NTNG1: variants seen among roughly 807,000 people sequenced by gnomAD.
NTNG1 encodes netrin-G1.
In NTNG1, 16 loss-of-function variants were observed where a neutral mutation model predicts 54.0. The observed-to-expected ratio is 0.30, with a 90% CI of 0.20 to 0.45. The LOEUF (loss-of-function observed/expected upper bound fraction) is 0.45, where lower values mean the gene tolerates loss of function less well. NTNG1 is among the 20% of genes least tolerant of loss of function. The probability of loss-of-function intolerance (pLI) is 1.00; values close to 1 mark genes in which losing one functional copy is unlikely to be tolerated. For synonymous variants in NTNG1, 255 were observed against 263.1 expected (o/e 0.97, Z 0.30); for missense variants, 530 against 678.7 (o/e 0.78, Z 2.43).
intron 2 of NTNG1, among the ~76,000 whole-genome samples, chr1:107,173,692 CT>C (rs918782405): frequency 5.0e-4 from 68 of 135,988 alleles, no homozygotes; most frequent in African/African-American, 1.5e-3. Context: ...AATTGTAGCT[CT>C]TTTTTTTTTC....
chr1:107,323,817 C>G lies in NTNG1; in HGVS notation c.247-465C>G, dbSNP rs375592638. ...GAATGTTGTATGGGGGTATTGTCTC[C>G]CCTACAGAACACAGGTATCTATGGT... On this transcript the variant is annotated intron_variant, in intron 2 of 7. Transcript: ENST00000370068. 2.6e-5 allele frequency among the ~76,000 whole-genome samples: 4 copies of G among 152,018 alleles called. No individual in the cohort carries two copies. The East Asian group carries it at 5.8e-4, about 22-fold the overall frequency.
At chr1:107,285,728 T>C (rs1665153525) in intron 2 of NTNG1, among the ~76,000 whole-genome samples, 1 of 152,150 alleles carries the variant, frequency 6.6e-6, no homozygotes, top group South Asian at 2.1e-4. Context: ...TGATCAACCA[T>C]AAAATTGCAC....
At chr1:107,298,991 A>C (rs533626173) in intron 2 of NTNG1, among the ~76,000 whole-genome samples, 84 of 152,306 alleles carry the variant, frequency 5.5e-4, no homozygotes, top group African/African-American at 2.0e-3. Flanking sequence ...CTATGGGTAC[A>C]TATGGGTAGT....
At chr1:107,472,751 G>A (rs760416596) in intron 7 of NTNG1, among the ~76,000 whole-genome samples, 3 of 151,608 alleles carry the variant, frequency 2.0e-5, no homozygotes, top group Admixed American at 6.6e-5. Flanking sequence ...TTGTTTTTTT[G>A]TGGGGCGGGG....
At chr1:107,470,543 G>A (rs1401580344) in intron 7 of NTNG1, among the ~76,000 whole-genome samples, 1 of 152,206 alleles carries the variant, frequency 6.6e-6, no homozygotes, top group Non-Finnish European at 1.5e-5. Flanking sequence ...GATTATGCTG[G>A]ATAAACATTT....
At chr1:107,370,240 TAAAAA>T (rs35235511) in intron 3 of NTNG1, among the ~76,000 whole-genome samples, 1 of 125,620 alleles carries the variant, frequency 8.0e-6, no homozygotes, top group Non-Finnish European at 1.7e-5. Context: ...GTCAATTTCT[TAAAAA>T]AAAAAAAAAA....
intron 2 of NTNG1, among the ~76,000 whole-genome samples, chr1:107,207,790 T>C (rs940437420): frequency 1.2e-4 from 18 of 152,178 alleles, no homozygotes; most frequent in African/African-American, 3.6e-4. Flanking sequence ...TTCATGGAAC[T>C]TGTGCCTGTA....
At chr1:107,303,645 G>A (rs908003644) in intron 2 of NTNG1, among the ~76,000 whole-genome samples, 2 of 151,856 alleles carry the variant, frequency 1.3e-5, no homozygotes, top group Non-Finnish European at 2.9e-5. Flanking sequence ...CATTTTCCCT[G>A]CCTTCATTTT....
intron 1 of NTNG1, chr1:107,143,467 CT>C (rs1653882351): frequency 6.6e-6 from 1 of 152,000 alleles, no homozygotes; most frequent in Admixed American, 6.5e-5. Context: ...GATAGGATTT[CT>C]AAGTGTCATA....
At position 107,334,411 on chromosome 1, in the gene NTNG1, A is replaced by C. The variant is rs546855068; in HGVS notation, c.887+9489A>C. 1.5e-3 allele frequency among the ~76,000 whole-genome samples: 223 copies of C among 151,812 alleles called. 1 individual carries two copies. Among genetic ancestry groups the C allele is most frequent in the African/African-American group, 5.1e-3 (210 of 41,464 alleles). ...AACATATTGATGACATCCATGTGTA[A>C]TTATAGATACTCCAGTGCTGCTGGG... On this transcript the variant is annotated intron_variant, in intron 3 of 7. Transcript: ENST00000370068.
chr1:107,301,894 C>T (rs916508045), intron 2 of NTNG1, among the ~76,000 whole-genome samples: 5 of 152,168 alleles, frequency 3.3e-5, no homozygotes, highest in Admixed American at 3.3e-4. Flanking sequence ...GGGAGAGCGT[C>T]TATATGGCTA....
chr1:107,211,725 A>G lies in NTNG1; in HGVS notation c.246+62886A>G, dbSNP rs116085376. ...TAATTACTTGAAAAATGTCTGAGCC[A>G]GTACATTTTATGACACCTGGAGGGT... On this transcript the variant is annotated intron_variant, in intron 2 of 7. Coordinates refer to ENST00000370068, the MANE Select transcript of NTNG1 (RefSeq NM_001113226.3). Among the ~76,000 whole-genome samples the G allele has an allele frequency of 4.9e-3, 752 of 152,310 alleles. 3 individuals are homozygous for G. The highest frequency in any genetic ancestry group is 0.017 in the African/African-American group (722 of 41,572).
intron 7 of NTNG1, among the ~76,000 whole-genome samples, chr1:107,462,406 C>T (rs1677333655): frequency 6.6e-6 from 1 of 152,174 alleles, no homozygotes; most frequent in South Asian, 2.1e-4. Context: ...GGTTTCTTCA[C>T]CTGTCAAACT....
chr1:107,186,967 T>C (rs2101163285), intron 2 of NTNG1, among the ~76,000 whole-genome samples: 1 of 152,252 alleles, frequency 6.6e-6, no homozygotes, highest in Admixed American at 6.5e-5. Context: ...AAAATAATGT[T>C]CCCAAATCAT....
intron 3 of NTNG1, among the ~76,000 whole-genome samples, chr1:107,384,874 T>G (rs1325101698): frequency 1.3e-5 from 2 of 152,242 alleles, no homozygotes; most frequent in African/African-American, 4.8e-5. Flanking sequence ...TATTTCACAT[T>G]AAACTTTGGT....
In NTNG1 at chr1:107,265,680, G is replaced by T. The variant is rs527906838; in HGVS notation, c.247-58602G>T. On this transcript the variant is annotated intron_variant, in intron 2 of 7. Transcript: ENST00000370068. ...GCTTTCTGTTAAATTTTCAGTATAA[G>T]AAATTGAAATTATAAGAATTATGGG... Among the ~76,000 whole-genome samples the T allele has an allele frequency of 3.9e-5, 6 of 152,288 alleles. No homozygotes were observed. In the East Asian group the frequency reaches 9.6e-4, roughly 24 times the overall value.
chr1:107,282,627 G>T (rs1165262366), intron 2 of NTNG1, among the ~76,000 whole-genome samples: 1 of 152,006 alleles, frequency 6.6e-6, no homozygotes, highest in African/African-American at 2.4e-5. Context: ...TGAAGAGAAG[G>T]CCTGCCCACA....
chr1:107,209,939 T>C (rs1266928281), intron 2 of NTNG1, among the ~76,000 whole-genome samples: 1 of 151,934 alleles, frequency 6.6e-6, no homozygotes, highest in Non-Finnish European at 1.5e-5. Flanking sequence ...TTGTTTAAAT[T>C]GGATGGTTCA....
At chr1:107,324,247 G>C in intron 2 of NTNG1, 35 bp from the exon 3 acceptor site, 2 of 1,596,034 alleles carry the variant, frequency 1.3e-6, no homozygotes, top group Non-Finnish European at 1.7e-6. Context: ...GCAAACCAGT[G>C]TTTTGATGCA....
Sources: allele counts gnomAD v4.1 joint callset (sites outside exome capture counted in the v4.1 genomes callset), GRCh38; gene constraint gnomAD v4.1.1; transcripts MANE v1.5; gene names NCBI Gene and HGNC (gene_info 2026-07-23, HGNC 2026-07-21).